The following RNF19A variants were observed in gnomAD, a reference collection of about 807,000 sequenced individuals.
RNF19A encodes the protein E3 ubiquitin-protein ligase RNF19A.
A neutral mutation model predicts 75.7 loss-of-function variants in RNF19A; 32 were observed. The ratio of observed to expected loss-of-function variants is 0.42; its 90% CI spans 0.32 to 0.57. RNF19A has a LOEUF of 0.57. Ranked by LOEUF, RNF19A falls within the 20% of genes least tolerant of loss-of-function variation. RNF19A has a pLI of 0.10. For synonymous variants in RNF19A, 335 were observed against 345.2 expected, an observed-to-expected ratio of 0.97 and a Z score of 0.33; for missense variants, 782 against 1,036.3, an observed-to-expected ratio of 0.75 and a Z score of 3.37.
intron 1 of RNF19A, chr8:100,309,597 AC>A: frequency 1.0e-6 from 1 of 964,124 alleles, no homozygotes. Flanking sequence ...CCCACGCTCC[AC>A]CTCGGCCCCC....
chr8:100,274,080 T>A (rs1820387401), intron 3 of RNF19A, among the ~76,000 whole-genome samples: 2 of 152,180 alleles, frequency 1.3e-5, no homozygotes, highest in African/African-American at 2.4e-5. Context: ...CCACCGTGAC[T>A]GGCCAGTATC....
rs1447566175 is a variant in RNF19A, at chr8:100,269,665, A to G, written c.1028+204T>C. Among the ~76,000 whole-genome samples, 1 of 152,178 alleles carries G rather than the reference A, an allele frequency of 6.6e-6. No individual in the cohort carries two copies. The highest frequency in any genetic ancestry group is 1.5e-5 in the Non-Finnish European group (1 of 68,004). On this transcript the variant is annotated intron_variant, in intron 4 of 9. Coordinates refer to ENST00000341084, the MANE Select transcript of RNF19A (RefSeq NM_183419.4). The surrounding 1 kb of genome is among the most constrained non-coding windows in gnomAD (Gnocchi z 5.7). The stretch of plus-strand genomic sequence containing the variant: ...ACTAGCATTCTAGTTTAACAAAAAC[A>G]AAAAAAGGAAATATCCATTTCCTAT...
chr8:100,273,932 G>T (rs1427805026), intron 3 of RNF19A, among the ~76,000 whole-genome samples: 1 of 151,946 alleles, frequency 6.6e-6, no homozygotes, highest in Non-Finnish European at 1.5e-5. Context: ...ACAGGCGCCC[G>T]CCACCACGCC....
At chr8:100,297,332 A>AC (rs1821613984) in intron 1 of RNF19A, among the ~76,000 whole-genome samples, 2 of 152,218 alleles carry the variant, frequency 1.3e-5, no homozygotes, top group South Asian at 4.1e-4. Context: ...TATGATCTCT[A>AC]CCAAGTAGTT....
At position 100,323,483 on chromosome 8, in the gene RNF19A, G is replaced by A. The variant is rs1235858378; in HGVS notation, c.-242-10111C>T. On this transcript the variant is annotated intron_variant, in intron 1 of 3. Transcript: ENST00000519527. The surrounding 1 kb of genome is among the most constrained non-coding windows in gnomAD (Gnocchi z 4.6). ...TGACCACGTTTCACCCTTCTTTTCTGCCATCCATTCTTAGAATTGTCACAT... is the reference window on the plus strand; with the variant it reads ...TGACCACGTTTCACCCTTCTTTTCTACCATCCATTCTTAGAATTGTCACAT... 6.6e-6 allele frequency among the ~76,000 whole-genome samples: 1 copy of A among 152,148 alleles called. No individual in the cohort carries two copies. The highest frequency in any genetic ancestry group is 6.5e-5 in the Admixed American group (1 of 15,270).
intron 5 of RNF19A, among the ~76,000 whole-genome samples, chr8:100,268,077 G>T (rs895847724): frequency 6.6e-6 from 1 of 151,108 alleles, no homozygotes. Flanking sequence ...TAATTTTTTT[G>T]ATCTTCTTGG....
intron 1 of RNF19A, among the ~76,000 whole-genome samples, chr8:100,320,124 C>T (rs1440025103): frequency 6.6e-6 from 1 of 152,242 alleles, no homozygotes; most frequent in African/African-American, 2.4e-5. Flanking sequence ...GCGTGAGCCA[C>T]TGTGCCTAGT....
chr8:100,306,381 C>T (rs1822061855), intron 1 of RNF19A, among the ~76,000 whole-genome samples: 1 of 151,958 alleles, frequency 6.6e-6, no homozygotes, highest in Non-Finnish European at 1.5e-5. Context: ...ACTTCTAAAA[C>T]AAATTAACAG....
Position 100,261,396 on chromosome 8 carries a change from C to T in RNF19A, c.1682+146G>A, listed in dbSNP as rs369720462. The stretch of plus-strand genomic sequence containing the variant: ...TACAGGCGTGAGCCACTGCACCTGG[C>T]CCCAAATTTCATTTTTAACATTACT... On this transcript the variant is annotated intron_variant, in intron 8 of 9. Coordinates refer to ENST00000341084, the MANE Select transcript of RNF19A (RefSeq NM_183419.4). The surrounding 1 kb of genome is among the most constrained non-coding windows in gnomAD (Gnocchi z 4.4). 7.8e-5 allele frequency: 58 copies of T among 739,988 alleles called. No individual in the cohort carries two copies. The East Asian group carries it at 1.5e-3, about 19-fold the overall frequency. 45.8% of individuals were successfully genotyped at this position (739,988 alleles called of 1,614,324 possible). A position where few individuals can be genotyped will look rare whatever the true frequency, so the allele number is the denominator to read the frequency against.
chr8:100,276,852 T>G (rs148357865), intron 2 of RNF19A, among the ~76,000 whole-genome samples: 1 of 151,784 alleles, frequency 6.6e-6, no homozygotes, highest in African/African-American at 2.4e-5. Context: ...TATAACTAAA[T>G]ACACTGTGCA....
chr8:100,269,021 C>A lies in RNF19A; in HGVS notation c.1029-74G>T. 1 of 1,183,466 alleles carries A rather than the reference C, an allele frequency of 8.4e-7. No individual in the cohort carries two copies. 73.3% of individuals were successfully genotyped at this position (1,183,466 alleles called of 1,614,324 possible). A position where few individuals can be genotyped will look rare whatever the true frequency, so the allele number is the denominator to read the frequency against. On this transcript the variant is annotated intron_variant, in intron 4 of 9. Transcript: ENST00000341084. This position sits in a 1 kb window ranked among gnomAD's most constrained non-coding sequence, Gnocchi z 5.7. ...AACAAATTAGTGCACTATATTAAAA[C>A]AATGACTATTTTTAAAAACTTCTCA... is the stretch of plus-strand genomic sequence containing the variant.
At chr8:100,302,267 A>C (rs1821870290) in intron 1 of RNF19A, among the ~76,000 whole-genome samples, 1 of 152,244 alleles carries the variant, frequency 6.6e-6, no homozygotes, top group South Asian at 2.1e-4. Flanking sequence ...AAGACTACTG[A>C]AGTAATCTAT....
In RNF19A at chr8:100,324,041, C is replaced by T. The variant is rs1430153240; in HGVS notation, c.-242-10669G>A. The stretch of plus-strand genomic sequence containing the variant: ...AAAAGCAAAACTTTGTACAATGTAT[C>T]CCAAGGACATGAGGGAAAAACTGAA... On this transcript the variant is annotated intron_variant, in intron 1 of 3. Transcript: ENST00000519527. This position sits in a 1 kb window ranked among gnomAD's most constrained non-coding sequence, Gnocchi z 4.2. 6.6e-6 allele frequency among the ~76,000 whole-genome samples: 1 copy of T among 152,088 alleles called. No homozygotes were observed. The highest frequency in any genetic ancestry group is 1.5e-5 in the Non-Finnish European group (1 of 68,004).
At chr8:100,310,348 G>A (rs1822258815), upstream of RNF19A, 2 of 681,102 alleles carry the variant, frequency 2.9e-6, no homozygotes, top group Non-Finnish European at 3.6e-6. Context: ...CTGGCGGAGG[G>A]GACTTCGCCT....
chr8:100,319,846 T>C (rs1199093362), intron 1 of RNF19A, among the ~76,000 whole-genome samples: 1 of 148,442 alleles, frequency 6.7e-6, no homozygotes, highest in African/African-American at 2.5e-5. Flanking sequence ...TTTCTTTTTT[T>C]TTTTTCGAGA....
Position 100,266,180 on chromosome 8 carries a change from G to A in RNF19A, c.1192-1395C>T, listed in dbSNP as rs73282713. ...TCTCTACTTTTTATTGTTAAGTGAA[G>A]GCTCAGCTTTTGGGTACTTTATTGA... On this transcript the variant is annotated intron_variant, in intron 5 of 9. Transcript: ENST00000341084. 5.2e-3 allele frequency among the ~76,000 whole-genome samples: 787 copies of A among 152,274 alleles called. 10 individuals are homozygous for A. Among genetic ancestry groups the A allele is most frequent in the African/African-American group, 0.019 (770 of 41,534 alleles).
In RNF19A at chr8:100,275,789, A is replaced by G. The variant is rs1820479016; in HGVS notation, c.675-628T>C. The stretch of plus-strand genomic sequence containing the variant: ...AAGTGGAAAAAGTTAAAAGAAAAAA[A>G]GATTGCCTGTTTAAAAATGTAGTGA... On this transcript the variant is annotated intron_variant, in intron 2 of 9. Transcript: ENST00000341084. The surrounding 1 kb of genome is among the most constrained non-coding windows in gnomAD (Gnocchi z 4.3). Among the ~76,000 whole-genome samples, 1 of 152,162 alleles carries G rather than the reference A, an allele frequency of 6.6e-6. No individual in the cohort carries two copies. Among genetic ancestry groups the G allele is most frequent in the Non-Finnish European group, 1.5e-5 (1 of 68,020 alleles).
chr8:100,308,591 CTT>C (rs1822154601), intron 1 of RNF19A, among the ~76,000 whole-genome samples: 1 of 151,790 alleles, frequency 6.6e-6, no homozygotes, highest in African/African-American at 2.4e-5. Context: ...GAAAATAAAA[CTT>C]AAGGCAAACC....
intron 1 of RNF19A, among the ~76,000 whole-genome samples, chr8:100,289,025 A>G (rs1388621159): frequency 6.9e-6 from 1 of 143,972 alleles, no homozygotes; most frequent in Non-Finnish European, 1.5e-5. Context: ...GCGCCGCTGC[A>G]CTCCACCCTG....
Sources: gnomAD v4.1 joint callset for allele counts (sites outside exome capture counted in the v4.1 genomes callset) on GRCh38, gnomAD v4.1.1 for gene constraint, Gnocchi (gnomAD v3.1) non-coding constraint, MANE v1.5 for transcripts, NCBI Gene and HGNC (gene_info 2026-07-23, HGNC 2026-07-21) for gene names.